Variants in ANK2 observed in about 807,000 individuals in gnomAD.
ANK2 encodes ankyrin-2.
ANK2 carries 83 observed loss-of-function variants against 360.5 expected under a neutral mutation model. The observed-to-expected ratio is 0.23, with a 90% CI of 0.19 to 0.28. The LOEUF (loss-of-function observed/expected upper bound fraction) is 0.28. Ranked by LOEUF, ANK2 falls within the 10% of genes least tolerant of loss-of-function variation. The pLI, the probability that ANK2 is intolerant of heterozygous loss-of-function variation, is 1.00. For missense variants in ANK2, 4,201 were observed against 4,795.7 expected, an observed-to-expected ratio of 0.88 and a Z score of 3.66; for synonymous variants, 1,740 against 1,759.5, an observed-to-expected ratio of 0.99 and a Z score of 0.28.
At chr4:113,052,192 G>A (rs1364159390) in intron 1 of ANK2, among the ~76,000 whole-genome samples, 2 of 152,136 alleles carry the variant, frequency 1.3e-5, no homozygotes, top group Non-Finnish European at 2.9e-5. Context: ...ACCATTAAAT[G>A]TGCCTTGATG....
At chr4:112,811,301 G>T in the ANK2 span, among the ~76,000 whole-genome samples, 21 of 152,172 alleles carry the variant, frequency 1.4e-4, no homozygotes, top group East Asian at 1.4e-3. Flanking sequence ...TTTCCTTCTG[G>T]TTTCATTTAA....
chr4:113,226,973 AAC>A (rs2099231303), intron 4 of ANK2, among the ~76,000 whole-genome samples: 2 of 152,200 alleles, frequency 1.3e-5, no homozygotes, highest in African/African-American at 4.8e-5. Flanking sequence ...CCTTTTTAGA[AAC>A]ACACAGAGAC....
At chr4:112,841,661 G>C (rs2062107309) in intron 1 of ANK2, among the ~76,000 whole-genome samples, 1 of 152,172 alleles carries the variant, frequency 6.6e-6, no homozygotes, top group Admixed American at 6.5e-5. Flanking sequence ...TGGCTTCCTT[G>C]TTTGGAGAAT....
intron 2 of ANK2, among the ~76,000 whole-genome samples, chr4:112,950,667 A>G (rs1184058587): frequency 6.6e-6 from 1 of 151,794 alleles, no homozygotes; most frequent in Non-Finnish European, 1.5e-5. Context: ...AAAAAAAGAA[A>G]AAAAGAAAGG....
chr4:113,226,079 A>C (rs951284794), intron 4 of ANK2, among the ~76,000 whole-genome samples: 3 of 152,232 alleles, frequency 2.0e-5, no homozygotes, highest in Non-Finnish European at 4.4e-5. Flanking sequence ...ATTACATTTT[A>C]AAATACTAAG....
At chr4:112,760,304 A>G in the ANK2 span, among the ~76,000 whole-genome samples, 27 of 150,266 alleles carry the variant, frequency 1.8e-4, no homozygotes, top group Non-Finnish European at 4.0e-4. Context: ...TTCCTGCCTC[A>G]GCCTCCAGAG....
chr4:113,006,380 A>G (rs1047570624), intron 2 of ANK2, among the ~76,000 whole-genome samples: 2 of 152,240 alleles, frequency 1.3e-5, no homozygotes, highest in Non-Finnish European at 2.9e-5. Flanking sequence ...AGATGAGAAG[A>G]TAGTGGAAAA....
rs2063974868 is a variant in ANK2, at chr4:112,848,911, G to A, written c.-40+30647G>A. 1.3e-5 allele frequency among the ~76,000 whole-genome samples: 2 copies of A among 152,240 alleles called. 1 individual carries two copies. Among genetic ancestry groups the A allele is most frequent in the South Asian group, 4.1e-4 (2 of 4,836 alleles). ...AGAGTTTGATGAATGTGTGAATGCT[G>A]TTTTGTAATAGAAAGAAGCAGTCTT... On this transcript the variant is annotated intron_variant, in intron 1 of 30. Coordinates refer to the ANK2 transcript ENST00000503271.
intron 1 of ANK2, among the ~76,000 whole-genome samples, chr4:112,882,943 C>G (rs144345644): frequency 1.3e-5 from 2 of 150,226 alleles, no homozygotes; most frequent in African/African-American, 4.9e-5. Context: ...TACCTCCTAT[C>G]CCCTGGAGAA....
At chr4:113,351,677 G>A (rs2095422314) in intron 37 of ANK2, among the ~76,000 whole-genome samples, 1 of 149,032 alleles carries the variant, frequency 6.7e-6, no homozygotes, top group Non-Finnish European at 1.5e-5. Context: ...ATACAAACTA[G>A]TAAGAATTAA....
In ANK2 at chr4:113,255,930, C is replaced by G; in HGVS notation, c.1186C>G (p.Leu396Val). ...DKRANPNARA[L>V]NGFTPLHIAC... ...GAGAGCCAATCCGAACGCCAGAGCC[C>G]TGGTAAACTTGGCCCAGTCCACATT... Residue 396 changes from leucine to valine, a missense_variant and splice_region_variant, in exon 11 of 46, where the codon CTG becomes GTG. Physicochemically the swap from Leu to Val is conservative, Grantham distance 32. Around this residue, in one of 4 missense-constraint regions of ANK2, gnomAD observed 1,268 missense variants for 1,650.8 expected, o/e 0.77. Transcript: ENST00000357077. 6.2e-7 allele frequency: 1 copy of G among 1,614,170 alleles called. No homozygotes were observed. Among genetic ancestry groups the G allele is most frequent in the Non-Finnish European group, 8.5e-7 (1 of 1,180,010 alleles).
intron 1 of ANK2, among the ~76,000 whole-genome samples, chr4:112,902,573 C>T (rs1234573481): frequency 6.6e-6 from 1 of 152,116 alleles, no homozygotes; most frequent in African/African-American, 2.4e-5. Context: ...TTTGATTAGT[C>T]TTTTTCGTAG....
At chr4:113,320,828 GTTAATTAAGGT>G (rs906557840) in intron 26 of ANK2, among the ~76,000 whole-genome samples, 6 of 152,100 alleles carry the variant, frequency 3.9e-5, no homozygotes, top group Non-Finnish European at 7.4e-5. Context: ...GAGAGACCTG[GTTAATTAAGGT>G]ATACCTAGTT....
At chr4:112,757,990 A>G in the ANK2 span, among the ~76,000 whole-genome samples, 1 of 149,082 alleles carries the variant, frequency 6.7e-6, no homozygotes, top group Non-Finnish European at 1.5e-5. Flanking sequence ...TGCAACCTCC[A>G]CTTCTCGGGT....
intron 2 of ANK2, among the ~76,000 whole-genome samples, chr4:112,951,731 C>T (rs931425891): frequency 6.6e-6 from 1 of 152,136 alleles, no homozygotes; most frequent in Non-Finnish European, 1.5e-5. Flanking sequence ...CATTCATAAA[C>T]TTCTAATAAG....
At chr4:113,094,688 T>C (rs781506672) in intron 1 of ANK2, among the ~76,000 whole-genome samples, 5 of 152,244 alleles carry the variant, frequency 3.3e-5, no homozygotes, top group African/African-American at 4.8e-5. Context: ...TTCTGACTTA[T>C]GTATAAACCA....
chr4:113,239,069 TA>T (rs2099405313), intron 7 of ANK2, among the ~76,000 whole-genome samples: 1 of 152,166 alleles, frequency 6.6e-6, no homozygotes, highest in African/African-American at 2.4e-5. Context: ...TTTAGTCAAT[TA>T]TTTCCTAAAA....
the ANK2 span, among the ~76,000 whole-genome samples, chr4:112,711,484 C>T: frequency 6.6e-6 from 1 of 151,914 alleles, no homozygotes; most frequent in Non-Finnish European, 1.5e-5. Context: ...GATCATGCCA[C>T]TGCACTCCAG....
the ANK2 span, among the ~76,000 whole-genome samples, chr4:112,760,754 G>T: frequency 6.7e-6 from 1 of 150,248 alleles, no homozygotes; most frequent in Non-Finnish European, 1.5e-5. Flanking sequence ...CTTATTTTTC[G>T]ATATATTAAA....
Sources: gnomAD v4.1 joint callset for allele counts (sites outside exome capture counted in the v4.1 genomes callset) on GRCh38, gnomAD v4.1.1 for gene constraint, gnomAD v4.1.1 regional missense constraint, MANE v1.5 for transcripts, NCBI Gene and HGNC (gene_info 2026-07-23, HGNC 2026-07-21) for gene names.